The following CRYL1 variants were observed in gnomAD, a reference collection of about 807,000 sequenced individuals.
CRYL1 encodes lambda-crystallin homolog.
A neutral mutation model predicts 36.6 loss-of-function variants in CRYL1; 29 were observed. The ratio of observed to expected loss-of-function variants is 0.79; its 90% CI spans 0.59 to 1.08. The LOEUF (loss-of-function observed/expected upper bound fraction) is 1.08, where lower values mean the gene tolerates loss of function less well. CRYL1 is among the 50% of genes least tolerant of loss of function. CRYL1 has a pLI of 0.00. For missense variants in CRYL1, 411 were observed against 407.9 expected (o/e 1.01, Z -0.06); for synonymous variants, 152 against 151.5 (o/e 1.00, Z -0.02).
At chr13:20,494,886 G>C (rs1332862802) in intron 2 of CRYL1, among the ~76,000 whole-genome samples, 1 of 152,192 alleles carries the variant, frequency 6.6e-6, no homozygotes, top group Non-Finnish European at 1.5e-5. Context: ...GCACACACAG[G>C]TAGGACAGAG....
chr13:20,441,484 A>AG (rs2032350219), intron 3 of CRYL1, among the ~76,000 whole-genome samples: 1 of 152,202 alleles, frequency 6.6e-6, no homozygotes, highest in African/African-American at 2.4e-5. Flanking sequence ...GGGATAAACA[A>AG]GGTGCCCTGA....
intron 3 of CRYL1, among the ~76,000 whole-genome samples, chr13:20,480,777 C>A (rs1333947160): frequency 6.6e-6 from 1 of 152,194 alleles, no homozygotes; most frequent in African/African-American, 2.4e-5. Context: ...TGCAGGCACA[C>A]TGAATGCAAT....
chr13:20,432,034 A>G (rs1287121592), intron 5 of CRYL1, 68 bp downstream of exon 5: 5 of 1,611,660 alleles, frequency 3.1e-6, no homozygotes, highest in Non-Finnish European at 3.4e-6. Flanking sequence ...GTCCTGCTCA[A>G]CTTTGAGAGG....
chr13:20,422,686 C>A (rs917332345), intron 5 of CRYL1, among the ~76,000 whole-genome samples: 1 of 152,206 alleles, frequency 6.6e-6, no homozygotes, highest in Non-Finnish European at 1.5e-5. Context: ...AAGCCACCAG[C>A]CTTTCTGGAA....
In CRYL1 at chr13:20,435,375, C is replaced by T. The variant is rs542883455; in HGVS notation, c.439-3079G>A. Among the ~76,000 whole-genome samples the T allele has an allele frequency of 6.6e-6, 1 of 152,156 alleles. No individual in the cohort carries two copies. Among genetic ancestry groups the T allele is most frequent in the South Asian group, 2.1e-4 (1 of 4,806 alleles). Reference sequence around the variant, plus strand: ...GGGCCAGCGACTGGGCCCCACGCAGCCCCCCAAAACAGACTTCCATTCACA... The same window carrying T: ...GGGCCAGCGACTGGGCCCCACGCAGTCCCCCAAAACAGACTTCCATTCACA... On this transcript the variant is annotated intron_variant, in intron 4 of 7. Transcript: ENST00000298248. This position sits in a 1 kb window ranked among gnomAD's most constrained non-coding sequence, Gnocchi z 4.0.
At chr13:20,463,908 C>A (rs1373253161) in intron 3 of CRYL1, among the ~76,000 whole-genome samples, 1 of 152,138 alleles carries the variant, frequency 6.6e-6, no homozygotes, top group Non-Finnish European at 1.5e-5. Flanking sequence ...CAGAGGAGAA[C>A]CCTCAAAAAG....
chr13:20,501,375 C>T (rs113856744), intron 2 of CRYL1, among the ~76,000 whole-genome samples: 3 of 152,328 alleles, frequency 2.0e-5, no homozygotes, highest in African/African-American at 7.2e-5. Context: ...ACACTGGACC[C>T]CTCTGCACTG....
chr13:20,483,173 A>T (rs1251624382), intron 3 of CRYL1, among the ~76,000 whole-genome samples: 1 of 152,236 alleles, frequency 6.6e-6, no homozygotes, highest in African/African-American at 2.4e-5. Flanking sequence ...ATATTTCAAA[A>T]TAGAAGATTT....
intron 2 of CRYL1, among the ~76,000 whole-genome samples, chr13:20,491,805 CA>C (rs1304883471): frequency 6.6e-6 from 1 of 151,778 alleles, no homozygotes; most frequent in Admixed American, 6.6e-5. Context: ...AACAAGCAAG[CA>C]AAAAACAAAA....
At chr13:20,421,965 T>G (rs2031828526) in intron 5 of CRYL1, among the ~76,000 whole-genome samples, 1 of 152,086 alleles carries the variant, frequency 6.6e-6, no homozygotes, top group South Asian at 2.1e-4. Flanking sequence ...AGGGTTTTGT[T>G]GCTCACCAAT....
At chr13:20,439,517 A>AAAAAAAAAAAAAAAAAAAAAAAAAAAAAC in intron 4 of CRYL1, 76 bp downstream of exon 4, 1 of 468,082 alleles carries the variant, frequency 2.1e-6, no homozygotes, top group Admixed American at 4.9e-5. Context: ...TCCCCCGCAA[A>AAAAAAAAAAAAAAAAAAAAAAAAAAAAAC]AAAAAAAAAA....
At chr13:20,516,346 C>T (rs1437384555) in intron 1 of CRYL1, among the ~76,000 whole-genome samples, 5 of 152,092 alleles carry the variant, frequency 3.3e-5, no homozygotes, top group Admixed American at 1.3e-4. Context: ...TTACCTACCC[C>T]ACCAGAAGGC....
intron 3 of CRYL1, among the ~76,000 whole-genome samples, chr13:20,473,668 C>T (rs2033105722): frequency 6.6e-6 from 1 of 152,176 alleles, no homozygotes; most frequent in African/African-American, 2.4e-5. Flanking sequence ...GTAGAAGGAG[C>T]CCGTTGGTGA....
intron 5 of CRYL1, among the ~76,000 whole-genome samples, chr13:20,428,361 G>A (rs576694024): frequency 6.0e-4 from 92 of 152,252 alleles, no homozygotes; most frequent in Non-Finnish European, 9.6e-4. Flanking sequence ...TCCAAAATCT[G>A]AAATATTTCT....
At chr13:20,487,560 T>C (rs769117411) in intron 3 of CRYL1, among the ~76,000 whole-genome samples, 12 of 152,218 alleles carry the variant, frequency 7.9e-5, no homozygotes, top group Admixed American at 6.5e-4. Flanking sequence ...AGAAATATTA[T>C]AATAATAGAT....
intron 3 of CRYL1, among the ~76,000 whole-genome samples, chr13:20,462,885 C>T (rs2032859763): frequency 6.6e-6 from 1 of 152,130 alleles, no homozygotes; most frequent in Admixed American, 6.5e-5. Flanking sequence ...CTCTAAAAGT[C>T]AACCATTATC....
At chr13:20,466,373 C>T (rs187043014) in intron 3 of CRYL1, among the ~76,000 whole-genome samples, 67 of 152,210 alleles carry the variant, frequency 4.4e-4, no homozygotes, top group Non-Finnish European at 7.6e-4. Context: ...ACAGGGGCAG[C>T]TGGCAAAATG....
chr13:20,525,836 C>A lies in CRYL1; in HGVS notation c.-42G>T. 8.2e-7 allele frequency: 1 copy of A among 1,215,810 alleles called. No individual in the cohort carries two copies. The highest frequency in any genetic ancestry group is 1.0e-6 in the Non-Finnish European group (1 of 976,420). The allele number at this position is 1,215,810 out of a possible 1,614,324, so 75.3% of individuals were successfully genotyped here. A position where few individuals can be genotyped will look rare whatever the true frequency, so the allele number is the denominator to read the frequency against. On this transcript the variant is annotated 5_prime_UTR_variant, in exon 1 of 8. Transcript: ENST00000298248. The surrounding 1 kb of genome is among the most constrained non-coding windows in gnomAD (Gnocchi z 4.3). ...CGGCGCCGCGGGCGCTGGGACCAGG[C>A]GCCGGCGGAGCTGCGAGCTCTGGGC...
rs527844909 is a variant in CRYL1 at position 20,506,248 on chromosome 13, C to T, written c.149+6195G>A. ...TCCTGCCAAAGAAGTACAACCAGTT[C>T]TGCATATTTAACTCAGCTTAAATGT... On this transcript the variant is annotated intron_variant, in intron 2 of 7. Coordinates refer to ENST00000298248, the MANE Select transcript of CRYL1 (RefSeq NM_015974.3). Among the ~76,000 whole-genome samples, 109 of 152,272 alleles carry T rather than the reference C, an allele frequency of 7.2e-4. 1 individual carries two copies. The South Asian group carries it at 0.015, about 21-fold the overall frequency.
Sources: allele counts gnomAD v4.1 joint callset (sites outside exome capture counted in the v4.1 genomes callset), GRCh38; gene constraint gnomAD v4.1.1; non-coding constraint Gnocchi (gnomAD v3.1); transcripts MANE v1.5; gene names NCBI Gene and HGNC (gene_info 2026-07-23, HGNC 2026-07-21).